Variants in ARHGAP35 observed in about 807,000 individuals in gnomAD.
ARHGAP35 encodes the protein Rho GTPase activating protein 35.
Under a neutral mutation model 111.1 loss-of-function variants are expected in ARHGAP35, and 15 were observed. The ratio of observed to expected loss-of-function variants is 0.13; its 90% CI spans 0.09 to 0.21. The LOEUF (loss-of-function observed/expected upper bound fraction) is 0.21. Among genes scored for constraint, ARHGAP35 ranks in the 10% least tolerant of loss-of-function variants. The pLI is 1.00. For missense variants in ARHGAP35, 1,262 were observed against 1,873.0 expected, an observed-to-expected ratio of 0.67 and a Z score of 6.02; for synonymous variants, 643 against 710.3, an observed-to-expected ratio of 0.91 and a Z score of 1.51.
chr19:46,930,823 G>A (rs1795438685), intron 2 of ARHGAP35, among the ~76,000 whole-genome samples: 2 of 151,734 alleles, frequency 1.3e-5, no homozygotes. Flanking sequence ...TATGTCTTCT[G>A]TTACCAAATA....
Position 46,918,147 on chromosome 19 carries a change from T to G in ARHGAP35, c.-188-341T>G, listed in dbSNP as rs2056174529. Reference sequence around the variant, plus strand: ...GTGTCCTTGTGAGATGCTCCATCGTTTTTTTTCTTGCATAAAAAGATGTTC... The same window carrying G: ...GTGTCCTTGTGAGATGCTCCATCGTGTTTTTTCTTGCATAAAAAGATGTTC... On this transcript the variant is annotated intron_variant, in intron 1 of 6. Coordinates refer to ENST00000672722, the MANE Select transcript of ARHGAP35 (RefSeq NM_004491.5). This position sits in a 1 kb window ranked among gnomAD's most constrained non-coding sequence, Gnocchi z 5.4. Among the ~76,000 whole-genome samples, 1 of 152,242 alleles carries G rather than the reference T, an allele frequency of 6.6e-6. No homozygotes were observed. Among genetic ancestry groups the G allele is most frequent in the Non-Finnish European group, 1.5e-5 (1 of 68,042 alleles).
At chr19:46,898,775 AGCTGCTGCTGCTGCTGCTGCT>A (rs112008743) in intron 1 of ARHGAP35, among the ~76,000 whole-genome samples, 51 of 150,906 alleles carry the variant, frequency 3.4e-4, no homozygotes, top group Middle Eastern at 3.4e-3. Flanking sequence ...TGCACAGATG[AGCTGCTGCTGCTGCTGCTGCT>A]GCTGCTGCTG....
chr19:46,970,520 A>G (rs1053555538), intron 3 of ARHGAP35, among the ~76,000 whole-genome samples: 6 of 152,142 alleles, frequency 3.9e-5, no homozygotes, highest in Admixed American at 1.3e-4. Context: ...GTGTGTGTGC[A>G]CACACACCCA....
rs186441661 is a variant in ARHGAP35, at chr19:46,876,373, T to A, written c.-189+15164T>A. On this transcript the variant is annotated intron_variant, in intron 1 of 6. Transcript: ENST00000672722. The stretch of plus-strand genomic sequence containing the variant: ...GCCACCAAGCCCAGCTAATTTTTTT[T>A]AAATTTTTTTTTTCTTTTAAGATGG... Among the ~76,000 whole-genome samples the A allele has an allele frequency of 3.7e-4, 56 of 151,780 alleles. 1 individual carries two copies. Among genetic ancestry groups the A allele is most frequent in the South Asian group, 1.5e-3 (7 of 4,804 alleles).
intron 3 of ARHGAP35, among the ~76,000 whole-genome samples, chr19:46,976,651 C>T (rs1017455881): frequency 2.0e-5 from 3 of 152,240 alleles, no homozygotes; most frequent in South Asian, 2.1e-4. Flanking sequence ...CTGGCCTGAG[C>T]GTGCCAACCA....
intron 3 of ARHGAP35, among the ~76,000 whole-genome samples, chr19:46,960,286 T>C (rs1002009800): frequency 6.6e-6 from 1 of 152,170 alleles, no homozygotes; most frequent in African/African-American, 2.4e-5. Context: ...GGTATACGTA[T>C]CACTCTGCTA....
rs913443886 is a variant in ARHGAP35, at chr19:47,003,948, A to T, written c.*3260A>T. On this transcript the variant is annotated 3_prime_UTR_variant, in exon 7 of 7. Transcript: ENST00000672722. ...CACACACACACACACACACACACAC[A>T]CAAAACTTCACAGCAGGCCAGCTGC... 6.5e-6 allele frequency: 1 copy of T among 152,714 alleles called. No homozygotes were observed. Among genetic ancestry groups the T allele is most frequent in the African/African-American group, 2.4e-5 (1 of 41,364 alleles). The allele number at this position is 152,714 out of a possible 1,614,324, so 9.5% of individuals were successfully genotyped here.
chr19:46,886,260 C>T (rs1192468440), intron 1 of ARHGAP35, among the ~76,000 whole-genome samples: 1 of 152,136 alleles, frequency 6.6e-6, no homozygotes, highest in Non-Finnish European at 1.5e-5. Context: ...TTATGGTAAC[C>T]ACCAGTCACG....
chr19:46,960,356 T>C (rs1362722260), intron 3 of ARHGAP35, among the ~76,000 whole-genome samples: 1 of 152,172 alleles, frequency 6.6e-6, no homozygotes, highest in Non-Finnish European at 1.5e-5. Flanking sequence ...CAGGAGCCAA[T>C]GTAGACCAAT....
rs1343011363 is a variant in ARHGAP35 at position 46,986,487 on chromosome 19, C to T, written c.3827-1502C>T. 6.6e-6 allele frequency among the ~76,000 whole-genome samples: 1 copy of T among 151,872 alleles called. No individual in the cohort carries two copies. Among genetic ancestry groups the T allele is most frequent in the Non-Finnish European group, 1.5e-5 (1 of 67,986 alleles). ...GAACTAGAAGGAAAAAAAACAATAG[C>T]TGATACAGGAATAGGAAAAACCTAT... On this transcript the variant is annotated intron_variant, in intron 3 of 6. Transcript: ENST00000672722. This position sits in a 1 kb window ranked among gnomAD's most constrained non-coding sequence, Gnocchi z 4.3.
intron 2 of ARHGAP35, among the ~76,000 whole-genome samples, chr19:46,933,099 T>C (rs2056282251): frequency 6.6e-6 from 1 of 151,950 alleles, no homozygotes; most frequent in South Asian, 2.1e-4. Context: ...TTAGAAACCT[T>C]TGGAAGTCCT....
chr19:46,978,777 A>G (rs1177231451), intron 3 of ARHGAP35, among the ~76,000 whole-genome samples: 7 of 46,332 alleles, frequency 1.5e-4, no homozygotes, highest in Admixed American at 6.4e-4. Context: ...TGTGTGGTGG[A>G]ATGTGTCTGG....
intron 3 of ARHGAP35, among the ~76,000 whole-genome samples, chr19:46,946,283 A>C (rs1335390022): frequency 6.6e-6 from 1 of 152,240 alleles, no homozygotes; most frequent in Non-Finnish European, 1.5e-5. Flanking sequence ...TGGGTGTGGT[A>C]GGAAGCTAGC....
At chr19:46,883,583 A>G (rs1233248090) in intron 1 of ARHGAP35, among the ~76,000 whole-genome samples, 1 of 152,218 alleles carries the variant, frequency 6.6e-6, no homozygotes, top group Non-Finnish European at 1.5e-5. Flanking sequence ...TAGAATAATA[A>G]TGGAAAAGTT....
chr19:46,871,511 T>A (rs1411388771), intron 1 of ARHGAP35, among the ~76,000 whole-genome samples: 2 of 151,820 alleles, frequency 1.3e-5, no homozygotes, highest in Non-Finnish European at 2.9e-5. Flanking sequence ...CCTGGCTAAT[T>A]TTTGTACTTT....
intron 3 of ARHGAP35, among the ~76,000 whole-genome samples, chr19:46,965,228 G>A (rs915700561): frequency 4.6e-5 from 7 of 152,148 alleles, no homozygotes; most frequent in Non-Finnish European, 7.4e-5. Context: ...CAGGAGAATC[G>A]CTGGAACCCA....
At position 46,919,285 on chromosome 19, in the gene ARHGAP35, G is replaced by A. The variant is rs1320111356; in HGVS notation, c.610G>A (p.Glu204Lys). Residue 204 changes from glutamate (E) to lysine (K), a missense_variant, in exon 2 of 7, where the codon GAA (glutamate) becomes AAA (lysine). Coordinates refer to ENST00000672722, the MANE Select transcript of ARHGAP35 (RefSeq NM_004491.5). This position sits in a 1 kb window ranked among gnomAD's most constrained non-coding sequence, Gnocchi z 6.2. The part of the protein sequence containing the change: ...PIVVVLTKCD[E>K]GVERYIRDAH... ...AGTGGTGGTCCTGACTAAGTGTGAC[G>A]AAGGTGTTGAGCGGTACATTAGAGA... 2.5e-6 allele frequency: 4 copies of A among 1,613,968 alleles called. No individual in the cohort carries two copies. Among genetic ancestry groups the A allele is most frequent in the South Asian group, 1.1e-5 (1 of 91,068 alleles).
In ARHGAP35 at chr19:46,897,194, C is replaced by T. The variant is rs1039591576; in HGVS notation, c.-188-21294C>T. On this transcript the variant is annotated intron_variant, in intron 1 of 6. Coordinates refer to ENST00000672722, the MANE Select transcript of ARHGAP35 (RefSeq NM_004491.5). The stretch of plus-strand genomic sequence containing the variant: ...GGTTACAGGCGTGAGCCATCGCGCC[C>T]AGCCTTCAGCATGTTGTCAAAGGAA... 3.3e-5 allele frequency among the ~76,000 whole-genome samples: 5 copies of T among 152,186 alleles called. No homozygotes were observed. In the East Asian group the frequency reaches 9.7e-4, roughly 29 times the overall value.
intron 1 of ARHGAP35, among the ~76,000 whole-genome samples, chr19:46,900,530 C>A (rs935173924): frequency 9.2e-5 from 14 of 152,092 alleles, no homozygotes; most frequent in African/African-American, 3.4e-4. Flanking sequence ...CTTTATTAGC[C>A]AATTTGAAAC....
Sources: gnomAD v4.1 joint callset for allele counts (sites outside exome capture counted in the v4.1 genomes callset) on GRCh38, gnomAD v4.1.1 for gene constraint, Gnocchi (gnomAD v3.1) non-coding constraint, MANE v1.5 for transcripts, NCBI Gene and HGNC (gene_info 2026-07-23, HGNC 2026-07-21) for gene names.